The following NUP62CL variants were observed in gnomAD, a reference collection of about 807,000 sequenced individuals.
NUP62CL encodes nucleoporin-62 C-terminal-like protein.
A neutral mutation model predicts 15.3 loss-of-function variants in NUP62CL; 13 were observed. The observed-to-expected ratio is 0.85, with a 90% CI of 0.55 to 1.35. The LOEUF (loss-of-function observed/expected upper bound fraction) is 1.35, where lower values mean the gene tolerates loss of function less well. Ranked by LOEUF, NUP62CL falls within the 40% of genes most tolerant of loss-of-function variation. The pLI, the probability that NUP62CL is intolerant of heterozygous loss-of-function variation, is 0.00. For missense variants in NUP62CL, 123 were observed against 130.6 expected, an observed-to-expected ratio of 0.94 and a Z score of 0.28; for synonymous variants, 54 against 49.2, an observed-to-expected ratio of 1.10 and a Z score of -0.41.
chrX:107,181,768 C>G (rs1300627016), intron 2 of NUP62CL, among the ~76,000 whole-genome samples: 2 of 111,940 alleles, frequency 1.8e-5, no homozygotes, highest in Non-Finnish European at 3.8e-5. Context: ...TTCACATCCT[C>G]TTTTACATTC....
chrX:107,132,161 G>C (rs530797680), intron 8 of NUP62CL: 1 of 1,149,928 alleles, frequency 8.7e-7, no homozygotes, highest in Non-Finnish European at 1.2e-6. Flanking sequence ...TCAAACCTGA[G>C]TTGTGAACAG....
intron 3 of NUP62CL, among the ~76,000 whole-genome samples, chrX:107,172,088 C>T (rs1366770596): frequency 9.3e-6 from 1 of 107,055 alleles, no homozygotes; most frequent in East Asian, 2.9e-4. Flanking sequence ...CTTTGGGAGG[C>T]CAAGGTGGGA....
intron 8 of NUP62CL, among the ~76,000 whole-genome samples, chrX:107,142,644 G>A (rs1925799638): frequency 8.9e-6 from 1 of 111,952 alleles, no homozygotes; most frequent in African/African-American, 3.2e-5. Flanking sequence ...CATGATTATG[G>A]TTTGGTATAT....
Position 107,174,612 on chromosome X carries a change from T to C in NUP62CL, c.58+477A>G, listed in dbSNP as rs542935071. Among the ~76,000 whole-genome samples the C allele has an allele frequency of 5.9e-4, 66 of 111,777 alleles. 1 individual carries two copies. The South Asian group carries it at 0.023, about 39-fold the overall frequency. Reference sequence around the variant, plus strand: ...TCACAAGACATTACACAATGTCAATTAGAACCCCAAAACTACAGCTGGCCC... The same window carrying C: ...TCACAAGACATTACACAATGTCAATCAGAACCCCAAAACTACAGCTGGCCC... On this transcript the variant is annotated intron_variant, in intron 3 of 8. Transcript: ENST00000372466.
At chrX:107,164,704 A>G (rs748729311) in intron 4 of NUP62CL, among the ~76,000 whole-genome samples, 1 of 112,654 alleles carries the variant, frequency 8.9e-6, no homozygotes, top group East Asian at 2.8e-4. Context: ...AAAATGGGCC[A>G]ACTCTTTAAA....
chrX:107,184,088 C>G (rs762145596), intron 2 of NUP62CL, among the ~76,000 whole-genome samples: 1 of 109,297 alleles, frequency 9.1e-6, no homozygotes, highest in Non-Finnish European at 1.9e-5. Flanking sequence ...GCACCTCCCC[C>G]CCCTCCACCA....
At chrX:107,184,320 A>AG (rs759297702) in intron 2 of NUP62CL, among the ~76,000 whole-genome samples, 5,016 of 76,375 alleles carry the variant, frequency 0.066, 158 homozygotes, top group East Asian at 0.17. Flanking sequence ...AGAAAGAAAG[A>AG]AAGAAAGAAA....
At chrX:107,125,998 G>T (rs1011181903) in intron 8 of NUP62CL, among the ~76,000 whole-genome samples, 5 of 111,597 alleles carry the variant, frequency 4.5e-5, no homozygotes, top group African/African-American at 1.6e-4. Context: ...TTAATGCCCA[G>T]AATTTTGGTC....
At chrX:107,132,583 GCCCCGT>G (rs376763734) in intron 8 of NUP62CL, among the ~76,000 whole-genome samples, 160 of 111,045 alleles carry the variant, frequency 1.4e-3, no homozygotes, top group African/African-American at 5.0e-3. Context: ...ACGTGGGGAG[GCCCCGT>G]CTCTACAAAA....
In NUP62CL at chrX:107,154,239, C is replaced by G. The variant is rs1453013583; in HGVS notation, c.202G>C (p.Ala68Pro). The G allele has an allele frequency of 8.4e-7, 1 of 1,187,894 alleles. No individual in the cohort carries two copies. Among genetic ancestry groups the G allele is most frequent in the South Asian group, 1.9e-5 (1 of 53,323 alleles). The change falls in exon 5 of 9, where the codon GCA (alanine) becomes CCA (proline). Residue 68 changes from alanine to proline, a missense_variant. Coordinates refer to ENST00000372466, the MANE Select transcript of NUP62CL (RefSeq NM_017681.3). Reference sequence around the variant, plus strand: ...TGACCATATGTCATCACAGGAGTTGCTACTACACTAAAACATAAAAAGATG... The same window carrying G: ...TGACCATATGTCATCACAGGAGTTGGTACTACACTAAAACATAAAAAGATG... ...VPYTSTVSVV[A>P]TPVMTYGHLE... is the part of the protein sequence containing the mutation.
chrX:107,143,090 C>A (rs1925810869), intron 8 of NUP62CL, among the ~76,000 whole-genome samples: 1 of 111,516 alleles, frequency 9.0e-6, no homozygotes, highest in Non-Finnish European at 1.9e-5. Context: ...TAGTTCAGTC[C>A]CATCACTTAT....
intron 8 of NUP62CL, among the ~76,000 whole-genome samples, chrX:107,140,038 C>G (rs1372751348): frequency 2.7e-5 from 3 of 111,503 alleles, no homozygotes; most frequent in Non-Finnish European, 5.7e-5. Flanking sequence ...CATGAGAATA[C>G]ACATACTGGT....
intron 2 of NUP62CL, among the ~76,000 whole-genome samples, chrX:107,184,105 TG>T (rs1266170770): frequency 1.8e-4 from 20 of 108,804 alleles, no homozygotes; most frequent in Admixed American, 1.7e-3. Context: ...ACCAGAACAA[TG>T]TCAAATAAAG....
At chrX:107,189,372 C>T (rs747103151) in intron 2 of NUP62CL, among the ~76,000 whole-genome samples, 1 of 111,276 alleles carries the variant, frequency 9.0e-6, no homozygotes, top group African/African-American at 3.3e-5. Flanking sequence ...TTCATAGCAG[C>T]TTTATTCATA....
At position 107,124,318 on chromosome X, in the gene NUP62CL, T is replaced by C. The variant is rs1481450378; in HGVS notation, c.*57A>G. ...AAAACCCGTGTTACCACTTCTACCT[T>C]CCTTCGCAGCATGCCTATAGGAGAA... On this transcript the variant is annotated 3_prime_UTR_variant, in exon 9 of 9. Coordinates refer to ENST00000372466, the MANE Select transcript of NUP62CL (RefSeq NM_017681.3). The C allele has an allele frequency of 5.9e-6, 2 of 341,066 alleles. No individual in the cohort carries two copies. Among genetic ancestry groups the C allele is most frequent in the Admixed American group, 6.3e-5 (2 of 31,992 alleles). 28.1% of individuals were successfully genotyped at this position (341,066 alleles called of 1,213,427 possible). A position where few individuals can be genotyped will look rare whatever the true frequency, so the allele number is the denominator to read the frequency against.
At chrX:107,183,700 G>T (rs930651867) in intron 2 of NUP62CL, among the ~76,000 whole-genome samples, 1 of 110,753 alleles carries the variant, frequency 9.0e-6, no homozygotes, top group Non-Finnish European at 1.9e-5. Flanking sequence ...GGGCAAGGGA[G>T]GGGGCAGCCA....
intron 2 of NUP62CL, among the ~76,000 whole-genome samples, chrX:107,181,348 C>T (rs1926917147): frequency 9.0e-6 from 1 of 111,374 alleles, no homozygotes; most frequent in Non-Finnish European, 1.9e-5. Context: ...TTTTCTCTAT[C>T]TCACAAATTT....
At chrX:107,180,913 CTTTT>C (rs35001668) in intron 2 of NUP62CL, among the ~76,000 whole-genome samples, 4 of 85,162 alleles carry the variant, frequency 4.7e-5, no homozygotes, top group African/African-American at 1.3e-4. Flanking sequence ...TATGGTTTCG[CTTTT>C]TTTTTTTTTT....
Position 107,154,241 on chromosome X carries a change from A to G in NUP62CL, c.200T>C (p.Val67Ala). The change falls in exon 5 of 9, where the codon GTA becomes GCA. Residue 67 changes from valine to alanine, a missense_variant. Transcript: ENST00000372466. ...LVPYTSTVSV[V>A]ATPVMTYGHL... ...ACCATATGTCATCACAGGAGTTGCT[A>G]CTACACTAAAACATAAAAAGATGCA... The G allele has an allele frequency of 8.4e-7, 1 of 1,189,407 alleles. No homozygotes were observed. Among genetic ancestry groups the G allele is most frequent in the Non-Finnish European group, 1.1e-6 (1 of 883,450 alleles).
Sources: gnomAD v4.1 joint callset for allele counts (sites outside exome capture counted in the v4.1 genomes callset) on GRCh38, gnomAD v4.1.1 for gene constraint, MANE v1.5 for transcripts, NCBI Gene and HGNC (gene_info 2026-07-23, HGNC 2026-07-21) for gene names.